PEAK1: variants seen among roughly 807,000 people sequenced by gnomAD.
PEAK1 encodes the protein pseudopodium enriched atypical kinase 1, also known as inactive tyrosine-protein kinase PEAK1.
Under a neutral mutation model 124.7 loss-of-function variants are expected in PEAK1, and 54 were observed. That is an observed-to-expected ratio of 0.43 (90% confidence interval 0.35 to 0.54). The LOEUF is 0.54. PEAK1 is among the 20% of genes least tolerant of loss of function. The pLI is 0.01. For synonymous variants in PEAK1, 719 were observed against 760.0 expected (o/e 0.95, Z 0.89); for missense variants, 2,046 against 2,134.5 (o/e 0.96, Z 0.82).
At chr15:77,398,421 C>G (rs2071081493) in intron 1 of PEAK1, among the ~76,000 whole-genome samples, 1 of 152,180 alleles carries the variant, frequency 6.6e-6, no homozygotes, top group Non-Finnish European at 1.5e-5. Context: ...TCATCATGAT[C>G]AAGTGGGATT....
intron 6 of PEAK1, among the ~76,000 whole-genome samples, chr15:77,195,990 A>ATCACC (rs2058083678): frequency 6.6e-6 from 1 of 152,212 alleles, no homozygotes; most frequent in Non-Finnish European, 1.5e-5. Context: ...ATTTCATGCT[A>ATCACC]AGCAGCTGGT....
At chr15:77,376,000 AAAAT>A (rs199883070) in intron 1 of PEAK1, among the ~76,000 whole-genome samples, 5,186 of 145,338 alleles carry the variant, frequency 0.036, 115 homozygotes, top group African/African-American at 0.049. Context: ...CTCCGTCTCA[AAAAT>A]AAATAAATAA....
intron 9 of PEAK1, among the ~76,000 whole-genome samples, chr15:77,119,005 A>G (rs1596246046): frequency 2.5e-5 from 2 of 80,094 alleles, no homozygotes; most frequent in Non-Finnish European, 3.7e-5. Flanking sequence ...AATATCCAGG[A>G]GTCATTTACT....
intron 9 of PEAK1, among the ~76,000 whole-genome samples, chr15:77,127,697 AAAG>A (rs2152732118): frequency 6.6e-6 from 1 of 152,314 alleles, no homozygotes; most frequent in South Asian, 2.1e-4. Flanking sequence ...ATAAAATGTG[AAAG>A]GAGAGAGACG....
chr15:77,323,247 A>T (rs1312637137), intron 2 of PEAK1, among the ~76,000 whole-genome samples: 2 of 151,936 alleles, frequency 1.3e-5, no homozygotes, highest in African/African-American at 4.8e-5. Context: ...CTCTCTCACC[A>T]CTCCTATTCA....
intron 1 of PEAK1, among the ~76,000 whole-genome samples, chr15:77,396,869 T>C (rs957172640): frequency 1.3e-5 from 2 of 152,146 alleles, no homozygotes; most frequent in African/African-American, 2.4e-5. Context: ...ATGATAATAG[T>C]TGGAAACTTC....
At chr15:77,302,375 A>G (rs1478013374) in intron 2 of PEAK1, among the ~76,000 whole-genome samples, 1 of 152,214 alleles carries the variant, frequency 6.6e-6, no homozygotes, top group Non-Finnish European at 1.5e-5. Context: ...TGTCTCCAAC[A>G]TGAATCCATT....
intron 1 of PEAK1, 79 bp downstream of exon 1, chr15:77,419,927 C>T (rs1555506985): frequency 2.0e-5 from 3 of 149,724 alleles, no homozygotes; most frequent in Admixed American, 6.6e-5. Flanking sequence ...GCGCCCTCAA[C>T]CCGCGGCAAC....
intron 1 of PEAK1, among the ~76,000 whole-genome samples, chr15:77,390,205 C>T (rs981165690): frequency 2.0e-5 from 3 of 152,120 alleles, no homozygotes; most frequent in Non-Finnish European, 4.4e-5. Flanking sequence ...TTTCAGCAGT[C>T]AGAGCTATTT....
At chr15:77,397,470 T>C (rs1391500974) in intron 1 of PEAK1, among the ~76,000 whole-genome samples, 1 of 147,974 alleles carries the variant, frequency 6.8e-6, no homozygotes, top group Non-Finnish European at 1.5e-5. Flanking sequence ...AAGAAATAAA[T>C]AAAATAGAAA....
At chr15:77,274,789 T>C (rs953690227) in intron 5 of PEAK1, among the ~76,000 whole-genome samples, 3 of 152,120 alleles carry the variant, frequency 2.0e-5, no homozygotes, top group African/African-American at 7.2e-5. Flanking sequence ...GATTTACCAT[T>C]TGATCCAACA....
chr15:77,288,110 A>G (rs547159194), intron 2 of PEAK1, among the ~76,000 whole-genome samples: 18 of 152,262 alleles, frequency 1.2e-4, no homozygotes, highest in African/African-American at 3.1e-4. Flanking sequence ...ATCAAGCACT[A>G]TATCAAACCC....
At chr15:77,279,591 G>A (rs1347859560) in intron 5 of PEAK1, among the ~76,000 whole-genome samples, 2 of 152,090 alleles carry the variant, frequency 1.3e-5, no homozygotes, top group African/African-American at 4.8e-5. Context: ...AGTCAGGATC[G>A]GCTCGTGAAA....
intron 2 of PEAK1, among the ~76,000 whole-genome samples, chr15:77,353,173 A>G (rs969985119): frequency 1.3e-5 from 2 of 152,236 alleles, no homozygotes. Context: ...AGGCATTCCA[A>G]GTATCGATCG....
At chr15:77,418,714 T>C in intron 1 of PEAK1, 2 of 985,318 alleles carry the variant, frequency 2.0e-6, no homozygotes, top group South Asian at 4.7e-5. Flanking sequence ...GTATCCAAGA[T>C]TGCTCATGGA....
intron 5 of PEAK1, among the ~76,000 whole-genome samples, chr15:77,265,282 G>T (rs1470359805): frequency 1.3e-5 from 2 of 152,104 alleles, no homozygotes; most frequent in Non-Finnish European, 2.9e-5. Context: ...AAGAGCTTCT[G>T]CACAGCAAAA....
Position 77,133,563 on chromosome 15 carries a change from T to C in PEAK1, c.3519A>G (p.Gln1173=), listed in dbSNP as rs1253036232. 9 of 1,614,078 alleles carry C rather than the reference T, an allele frequency of 5.6e-6. No homozygotes were observed. The highest frequency in any genetic ancestry group is 5.3e-5 in the African/African-American group (4 of 74,928). The change falls in exon 9 of 10, where the codon CAA becomes CAG. Residue 1173 remains glutamine, a synonymous_variant. Coordinates refer to ENST00000682557, the MANE Select transcript of PEAK1 (RefSeq NM_001385026.1). The surrounding 1 kb of genome is among the most constrained non-coding windows in gnomAD (Gnocchi z 4.2). ...CACAAAGACTACTTTCCATGGATTT[T>C]TGGAGGTCCTTGGAGATTGGCTCTG... ...ANTEPISKDL[Q]KSMESSLCVM...
intron 2 of PEAK1, among the ~76,000 whole-genome samples, chr15:77,328,564 G>A (rs2065713327): frequency 6.6e-6 from 1 of 152,120 alleles, no homozygotes. Flanking sequence ...CATATACTAG[G>A]CATAATGCTA....
At chr15:77,208,364 T>C (rs758457994) in intron 6 of PEAK1, among the ~76,000 whole-genome samples, 11 of 152,164 alleles carry the variant, frequency 7.2e-5, no homozygotes, top group Non-Finnish European at 1.6e-4. Flanking sequence ...GTTTCTATAA[T>C]CTTTGGTAAC....
Sources: allele counts gnomAD v4.1 joint callset (sites outside exome capture counted in the v4.1 genomes callset), GRCh38; gene constraint gnomAD v4.1.1; non-coding constraint Gnocchi (gnomAD v3.1); transcripts MANE v1.5; gene names NCBI Gene and HGNC (gene_info 2026-07-23, HGNC 2026-07-21).